TMEM260: variants seen among roughly 807,000 people sequenced by gnomAD.
TMEM260 encodes transmembrane protein 260.
Under a neutral mutation model 88.9 loss-of-function variants are expected in TMEM260, and 82 were observed. That is an observed-to-expected ratio of 0.92 (90% CI 0.77 to 1.11). The LOEUF (loss-of-function observed/expected upper bound fraction) is 1.11. TMEM260 is among the 50% of genes least tolerant of loss of function. TMEM260 has a pLI of 0.00. For synonymous variants in TMEM260, 314 were observed against 309.3 expected (o/e 1.02, Z -0.16); for missense variants, 902 against 853.4 (o/e 1.06, Z -0.71).
Position 56,609,269 on chromosome 14 carries a change from A to G in TMEM260, c.800A>G (p.Tyr267Cys). 1 of 1,614,096 alleles carries G rather than the reference A, an allele frequency of 6.2e-7. No individual in the cohort carries two copies. The highest frequency in any genetic ancestry group is 8.5e-7 in the Non-Finnish European group (1 of 1,179,958). ...TTGACACATTTTCTCAGGGAAGAAT[A>G]TGGAACCTTCAGCCTGGTAAATTCA... ...GFLTHFLREE[Y>C]GTFSLAKSEI... The change falls in exon 6 of 16, where the codon TAT (tyrosine) becomes TGT (cysteine). Residue 267 changes from tyrosine to cysteine, a missense_variant. Tyr to Cys is a radical substitution (Grantham distance 194). Transcript: ENST00000261556.
intron 1 of TMEM260, among the ~76,000 whole-genome samples, chr14:56,580,863 G>T (rs926687219): frequency 6.6e-6 from 1 of 152,194 alleles, no homozygotes; most frequent in Non-Finnish European, 1.5e-5. Context: ...GTAATTTCAG[G>T]TGGTGAACCT....
At chr14:56,581,347 A>G (rs952156327) in intron 1 of TMEM260, among the ~76,000 whole-genome samples, 1 of 152,170 alleles carries the variant, frequency 6.6e-6, no homozygotes, top group African/African-American at 2.4e-5. Flanking sequence ...TTGATGTTAC[A>G]TCTTCAAATT....
intron 14 of TMEM260, 137 bp downstream of exon 14, chr14:56,635,089 C>T (rs912544084): frequency 1.6e-5 from 12 of 734,080 alleles, no homozygotes; most frequent in Non-Finnish European, 2.6e-5. Context: ...GTTTTTGAGG[C>T]ACTGTACTAA....
In TMEM260 at chr14:56,648,365, GTTCT is replaced by G. The variant is rs1461926583; in HGVS notation, c.*871_*874del. The G allele has an allele frequency of 1.3e-5, 2 of 152,540 alleles. No individual in the cohort carries two copies. Among genetic ancestry groups the G allele is most frequent in the Non-Finnish European group, 2.9e-5 (2 of 68,020 alleles). The allele number at this position is 152,540 out of a possible 1,614,324, so 9.4% of individuals were successfully genotyped here. A position where few individuals can be genotyped will look rare whatever the true frequency, so the allele number is the denominator to read the frequency against. ...AACATAGTAAGAAATGCAAATAATA[GTTCT>G]TTATTTTATTATGACAGTTAATTAA... is the stretch of plus-strand genomic sequence containing the variant. On this transcript the variant is annotated 3_prime_UTR_variant, in exon 16 of 16. Coordinates refer to ENST00000261556, the MANE Select transcript of TMEM260 (RefSeq NM_017799.4).
At chr14:56,636,630 A>G (rs1889109535) in intron 15 of TMEM260, 32 bp downstream of exon 15, 5 of 1,575,004 alleles carry the variant, frequency 3.2e-6, no homozygotes, top group Middle Eastern at 1.7e-4. Flanking sequence ...AGATATAGAT[A>G]TATTTGGTGG....
At chr14:56,600,866 A>G (rs1886531892) in intron 3 of TMEM260, among the ~76,000 whole-genome samples, 1 of 152,170 alleles carries the variant, frequency 6.6e-6, no homozygotes, top group African/African-American at 2.4e-5. Flanking sequence ...TTTGATTTCC[A>G]TTACTGGTTT....
chr14:56,594,914 A>AT (rs1305221244), intron 3 of TMEM260, among the ~76,000 whole-genome samples: 7 of 152,142 alleles, frequency 4.6e-5, no homozygotes, highest in Non-Finnish European at 1.0e-4. Flanking sequence ...CAGGGGAAAA[A>AT]TTTTTTATAG....
At chr14:56,622,812 A>AT (rs1287010406) in intron 11 of TMEM260, among the ~76,000 whole-genome samples, 1 of 152,210 alleles carries the variant, frequency 6.6e-6, no homozygotes, top group Non-Finnish European at 1.5e-5. Flanking sequence ...AATAATTATA[A>AT]TTTTTGGAGA....
At chr14:56,595,890 C>A (rs1177231778) in intron 3 of TMEM260, among the ~76,000 whole-genome samples, 1 of 151,798 alleles carries the variant, frequency 6.6e-6, no homozygotes, top group Non-Finnish European at 1.5e-5. Flanking sequence ...ATACCCTTGC[C>A]AAAAGAATAT....
At chr14:56,613,870 G>A (rs542721306) in intron 7 of TMEM260, 1 of 148,282 alleles carries the variant, frequency 6.7e-6, no homozygotes, top group South Asian at 2.2e-4. Flanking sequence ...GACCAGCCTG[G>A]GCAACATAGT....
At chr14:56,599,089 C>T (rs958887976) in intron 3 of TMEM260, among the ~76,000 whole-genome samples, 6 of 152,082 alleles carry the variant, frequency 3.9e-5, no homozygotes, top group African/African-American at 1.4e-4. Context: ...ATTAATGGCT[C>T]ACACTGTCTG....
intron 10 of TMEM260, among the ~76,000 whole-genome samples, chr14:56,620,384 T>A (rs549666260): frequency 6.6e-6 from 1 of 152,334 alleles, no homozygotes; most frequent in East Asian, 1.9e-4. Context: ...GAGAAGGGGC[T>A]GCGTGTCCTG....
chr14:56,580,112 C>T lies in TMEM260; in HGVS notation c.160+38C>T, dbSNP rs1481627306. Reference sequence around the variant, plus strand: ...CAGGGTTGCCCCTTCTGTCCCTCTCCCCTGGTCCCAGAACGGGCAGGGTCT... The same window carrying T: ...CAGGGTTGCCCCTTCTGTCCCTCTCTCCTGGTCCCAGAACGGGCAGGGTCT... On this transcript the variant is annotated intron_variant, in intron 1 of 15. Transcript: ENST00000261556. 5 of 1,246,060 alleles carry T rather than the reference C, an allele frequency of 4.0e-6. No homozygotes were observed. The African/African-American group carries it at 4.7e-5, about 12-fold the overall frequency. 77.2% of individuals were successfully genotyped at this position (1,246,060 alleles called of 1,614,324 possible). A position where few individuals can be genotyped will look rare whatever the true frequency, so the allele number is the denominator to read the frequency against.
chr14:56,632,925 T>A, intron 12 of TMEM260, 70 bp from the exon 13 acceptor site: 1 of 1,394,718 alleles, frequency 7.2e-7, no homozygotes, highest in Non-Finnish European at 9.8e-7. Flanking sequence ...TGATCTTTCA[T>A]GAATTATATT....
At chr14:56,603,205 ATCT>A (rs1174960944) in intron 3 of TMEM260, among the ~76,000 whole-genome samples, 1 of 151,898 alleles carries the variant, frequency 6.6e-6, no homozygotes, top group East Asian at 1.9e-4. Flanking sequence ...TCACATTCCC[ATCT>A]TCTTCTTTAG....
At chr14:56,631,449 C>CCTGT (rs1470253779) in intron 12 of TMEM260, among the ~76,000 whole-genome samples, 3 of 152,066 alleles carry the variant, frequency 2.0e-5, no homozygotes, top group Non-Finnish European at 4.4e-5. Flanking sequence ...ATGGCAAAAC[C>CCTGT]CTGTCTCTAC....
intron 11 of TMEM260, among the ~76,000 whole-genome samples, chr14:56,623,623 G>A (rs1793803489): frequency 6.6e-6 from 1 of 152,170 alleles, no homozygotes; most frequent in Non-Finnish European, 1.5e-5. Context: ...AATCAACAGT[G>A]TCTGATACAG....
At chr14:56,638,809 G>C (rs975459909) in intron 15 of TMEM260, among the ~76,000 whole-genome samples, 19 of 152,226 alleles carry the variant, frequency 1.2e-4, no homozygotes, top group Admixed American at 1.2e-3. Flanking sequence ...GCAGGGCGTA[G>C]GCAATGCTAT....
At chr14:56,639,097 T>C (rs960361324) in intron 15 of TMEM260, among the ~76,000 whole-genome samples, 2 of 152,068 alleles carry the variant, frequency 1.3e-5, no homozygotes, top group Non-Finnish European at 2.9e-5. Context: ...TCTGGAGCAG[T>C]TGGGGAAATG....
Sources: allele counts gnomAD v4.1 joint callset (sites outside exome capture counted in the v4.1 genomes callset), GRCh38; gene constraint gnomAD v4.1.1; transcripts MANE v1.5; gene names NCBI Gene and HGNC (gene_info 2026-07-23, HGNC 2026-07-21).